PREX2: variants seen among roughly 807,000 people sequenced by gnomAD.
The protein encoded by PREX2 is phosphatidylinositol 3,4,5-trisphosphate-dependent Rac exchanger 2 protein.
In PREX2, 107 loss-of-function variants were observed where a neutral mutation model predicts 203.2. That is an observed-to-expected ratio of 0.53 (90% CI 0.45 to 0.62). The LOEUF (loss-of-function observed/expected upper bound fraction) is 0.62. Among genes scored for constraint, PREX2 ranks in the 20% least tolerant of loss-of-function variants. PREX2 has a pLI of 0.00. For synonymous variants in PREX2, 672 were observed against 663.6 expected (o/e 1.01, Z -0.19); for missense variants, 1,777 against 1,955.9 (o/e 0.91, Z 1.72).
intron 37 of PREX2, among the ~76,000 whole-genome samples, chr8:68,210,293 A>G (rs150247171): frequency 1.2e-4 from 18 of 152,350 alleles, no homozygotes; most frequent in South Asian, 2.1e-4. Flanking sequence ...ATGTCAATTT[A>G]TGGCAAATTG....
At chr8:68,081,861 ATT>A (rs546660073) in intron 17 of PREX2, among the ~76,000 whole-genome samples, 147 of 139,568 alleles carry the variant, frequency 1.1e-3, no homozygotes, top group African/African-American at 2.1e-3. Flanking sequence ...GGCCCAGCTG[ATT>A]TTTTTTTTTT....
intron 18 of PREX2, among the ~76,000 whole-genome samples, chr8:68,083,775 A>G (rs1264554972): frequency 6.6e-6 from 1 of 152,192 alleles, no homozygotes; most frequent in African/African-American, 2.4e-5. Flanking sequence ...ACCATTTATA[A>G]TTTAACACTC....
chr8:68,144,151 CTA>C, intron 33 of PREX2, among the ~76,000 whole-genome samples: 1 of 152,126 alleles, frequency 6.6e-6, no homozygotes, highest in Non-Finnish European at 1.5e-5. Context: ...TCTTCTTTTT[CTA>C]TGTTATGTTG....
intron 17 of PREX2, among the ~76,000 whole-genome samples, chr8:68,081,283 G>A (rs557304859): frequency 5.9e-5 from 9 of 152,244 alleles, no homozygotes; most frequent in South Asian, 2.1e-4. Context: ...GTAATGCCAC[G>A]GCTGACTTGA....
intron 8 of PREX2, among the ~76,000 whole-genome samples, chr8:68,046,213 C>T (rs910094874): frequency 1.8e-4 from 28 of 152,056 alleles, no homozygotes; most frequent in African/African-American, 6.3e-4. Flanking sequence ...GTCCCACTTT[C>T]TCCCTTTACT....
At chr8:68,141,340 C>T (rs928096038) in intron 33 of PREX2, among the ~76,000 whole-genome samples, 2 of 152,100 alleles carry the variant, frequency 1.3e-5, no homozygotes, top group African/African-American at 4.8e-5. Context: ...CCCCACTATC[C>T]TTATATGGGC....
chr8:68,068,949 A>G (rs962065443), intron 11 of PREX2, 84 bp from the exon 12 acceptor site: 3 of 521,192 alleles, frequency 5.8e-6, no homozygotes, highest in Non-Finnish European at 9.7e-6. Flanking sequence ...GTATTTGGGA[A>G]TAAGTATTTA....
intron 34 of PREX2, among the ~76,000 whole-genome samples, chr8:68,147,264 A>G (rs190358364): frequency 2.0e-5 from 3 of 152,370 alleles, no homozygotes; most frequent in East Asian, 3.8e-4. Flanking sequence ...ATAACTAAAG[A>G]ATGGACAGGC....
chr8:68,017,365 A>C (rs201593526), intron 1 of PREX2, among the ~76,000 whole-genome samples: 1 of 151,486 alleles, frequency 6.6e-6, no homozygotes, highest in Non-Finnish European at 1.5e-5. Context: ...AGTGGCAGGG[A>C]TAGCTATCTA....
At position 68,090,527 on chromosome 8, in the gene PREX2, G is replaced by A. The variant is rs1440780038; in HGVS notation, c.2114-52G>A. ...CCATAATTGTATATATCATACAAAT[G>A]AATCTTATTCCTGAAATTTGTTTTT... On this transcript the variant is annotated intron_variant, in intron 19 of 39. Transcript: ENST00000288368. 16 of 1,511,470 alleles carry A rather than the reference G, an allele frequency of 1.1e-5. No homozygotes were observed. The Admixed American group carries it at 2.4e-4, about 23-fold the overall frequency. The allele number at this position is 1,511,470 out of a possible 1,614,324, so 93.6% of individuals were successfully genotyped here. A position where few individuals can be genotyped will look rare whatever the true frequency, so the allele number is the denominator to read the frequency against.
Position 68,157,341 on chromosome 8 carries a change from A to T in PREX2, c.4251A>T (p.Gly1417=), listed in dbSNP as rs1811561390. ...ACACAGCACTAGAGAGCATGGAAGG[A>T]TATTATTACAGAGACAATGTTTCTG... The part of the protein sequence containing the change: ...LFAQALESME[G]YYYRDNVSVE... Residue 1417 remains glycine, a synonymous_variant, in exon 35 of 40, where the codon GGA becomes GGT. Coordinates refer to ENST00000288368, the MANE Select transcript of PREX2 (RefSeq NM_024870.4). The T allele has an allele frequency of 6.2e-7, 1 of 1,606,296 alleles. No individual in the cohort carries two copies. The highest frequency in any genetic ancestry group is 8.5e-7 in the Non-Finnish European group (1 of 1,173,396).
chr8:68,060,316 T>G (rs1808809728), intron 10 of PREX2, among the ~76,000 whole-genome samples: 2 of 152,260 alleles, frequency 1.3e-5, no homozygotes. Context: ...ACTTTAGCTA[T>G]CTTTAGGATC....
chr8:68,061,353 G>GA (rs1479549544), intron 11 of PREX2, among the ~76,000 whole-genome samples: 1 of 152,194 alleles, frequency 6.6e-6, no homozygotes, highest in Non-Finnish European at 1.5e-5. Context: ...GGCTTATTCC[G>GA]AGGGGGGCCA....
intron 34 of PREX2, among the ~76,000 whole-genome samples, chr8:68,155,959 A>G (rs796860165): frequency 2.0e-5 from 3 of 152,332 alleles, no homozygotes; most frequent in African/African-American, 7.2e-5. Context: ...TTCAATTTAT[A>G]CTTTTTATTA....
intron 18 of PREX2, among the ~76,000 whole-genome samples, chr8:68,085,889 A>G (rs1323200205): frequency 6.6e-6 from 1 of 152,348 alleles, no homozygotes; most frequent in East Asian, 1.9e-4. Flanking sequence ...TCCAAAAGCA[A>G]CAATAATTCA....
chr8:67,986,028 A>C (rs1022901714), intron 1 of PREX2, among the ~76,000 whole-genome samples: 1 of 152,228 alleles, frequency 6.6e-6, no homozygotes, highest in Non-Finnish European at 1.5e-5. Context: ...GGGAGATGGA[A>C]GTTCAAGGTT....
intron 1 of PREX2, among the ~76,000 whole-genome samples, chr8:67,998,428 G>A (rs1283861718): frequency 6.6e-6 from 1 of 152,166 alleles, no homozygotes; most frequent in Non-Finnish European, 1.5e-5. Context: ...ATGTAAGCTT[G>A]GCTTATATCT....
At chr8:68,117,022 A>G (rs1037469339) in intron 26 of PREX2, among the ~76,000 whole-genome samples, 12 of 152,180 alleles carry the variant, frequency 7.9e-5, no homozygotes, top group African/African-American at 2.7e-4. Flanking sequence ...CATATTTTTC[A>G]TTTATATTAA....
Position 68,057,621 on chromosome 8 carries a change from G to C in PREX2, c.1238+1647G>C, listed in dbSNP as rs114771224. Among the ~76,000 whole-genome samples, 379 of 152,256 alleles carry C rather than the reference G, an allele frequency of 2.5e-3. 4 individuals are homozygous for C. The highest frequency in any genetic ancestry group is 8.6e-3 in the African/African-American group (358 of 41,546). Reference sequence around the variant, plus strand: ...AAAGAGAAGATGTGAGTTTATCTTGGCAAAGAAGCCCTGTGCAGCAAAACG... The same window carrying C: ...AAAGAGAAGATGTGAGTTTATCTTGCCAAAGAAGCCCTGTGCAGCAAAACG... On this transcript the variant is annotated intron_variant, in intron 10 of 39. Coordinates refer to ENST00000288368, the MANE Select transcript of PREX2 (RefSeq NM_024870.4).
Sources: allele counts gnomAD v4.1 joint callset (sites outside exome capture counted in the v4.1 genomes callset), GRCh38; gene constraint gnomAD v4.1.1; transcripts MANE v1.5; gene names NCBI Gene and HGNC (gene_info 2026-07-23, HGNC 2026-07-21).